Variants in SEPTIN7 observed in about 807,000 individuals in gnomAD.
SEPTIN7 encodes septin-7.
A neutral mutation model predicts 63.3 loss-of-function variants in SEPTIN7; 10 were observed. That is an observed-to-expected ratio of 0.16 (90% CI 0.10 to 0.27). The LOEUF is 0.27. Ranked by LOEUF, SEPTIN7 falls within the 10% of genes least tolerant of loss-of-function variation. The probability of loss-of-function intolerance (pLI) is 1.00; values close to 1 mark genes in which losing one functional copy is unlikely to be tolerated. For synonymous variants in SEPTIN7, 131 were observed against 165.3 expected, an observed-to-expected ratio of 0.79 and a Z score of 1.59; for missense variants, 310 against 521.0, an observed-to-expected ratio of 0.59 and a Z score of 3.94.
intron 2 of SEPTIN7, chr7:35,832,069 T>C: frequency 2.2e-6 from 1 of 448,812 alleles, no homozygotes; most frequent in East Asian, 7.0e-5. Context: ...ACTACACCAA[T>C]TTGGAAGTAG....
At chr7:35,827,692 T>C (rs2115847247) in intron 1 of SEPTIN7, among the ~76,000 whole-genome samples, 1 of 152,240 alleles carries the variant, frequency 6.6e-6, no homozygotes, top group East Asian at 1.9e-4. Context: ...GGTTTCACCA[T>C]GTTGGCCAGG....
intron 3 of SEPTIN7, among the ~76,000 whole-genome samples, chr7:35,836,359 A>C (rs1784084427): frequency 6.6e-6 from 1 of 152,224 alleles, no homozygotes; most frequent in South Asian, 2.1e-4. Flanking sequence ...AACTTGAAAT[A>C]GTTTTTAAAA....
Position 35,873,682 on chromosome 7 carries a change from A to T in SEPTIN7, c.419A>T (p.Asp140Val), listed in dbSNP as rs1368442987. 2 of 1,610,602 alleles carry T rather than the reference A, an allele frequency of 1.2e-6. No homozygotes were observed. Among genetic ancestry groups the T allele is most frequent in the Non-Finnish European group, 8.5e-7 (1 of 1,179,026 alleles). Residue 140 changes from aspartate to valine, a missense_variant, in exon 6 of 14, where the codon GAC (aspartate) becomes GTC (valine). Coordinates refer to ENST00000350320, the MANE Select transcript of SEPTIN7 (RefSeq NM_001788.6). ...GACTACATTGATAGTAAATTTGAGG[A>T]CTACCTAAATGCAGAATCACGAGTG... ...VIDYIDSKFEDYLNAESRVNR... is the reference protein window; with the variant it reads ...VIDYIDSKFEVYLNAESRVNR...
chr7:35,888,459 T>C (rs1440974173), intron 10 of SEPTIN7, among the ~76,000 whole-genome samples: 1 of 152,178 alleles, frequency 6.6e-6, no homozygotes, highest in Non-Finnish European at 1.5e-5. Flanking sequence ...AAACATTTCA[T>C]GTAAGTTTTC....
At chr7:35,844,657 T>C (rs1054395836) in intron 3 of SEPTIN7, among the ~76,000 whole-genome samples, 1 of 152,094 alleles carries the variant, frequency 6.6e-6, no homozygotes, top group African/African-American at 2.4e-5. Flanking sequence ...TAGAGTGCAA[T>C]GGCGTGATCT....
At chr7:35,815,890 T>C (rs1389845351) in intron 1 of SEPTIN7, among the ~76,000 whole-genome samples, 4 of 152,182 alleles carry the variant, frequency 2.6e-5, no homozygotes, top group African/African-American at 9.6e-5. Flanking sequence ...CACCTTTCTT[T>C]TACCCTGTTC....
intron 4 of SEPTIN7, 145 bp from the exon 5 acceptor site, chr7:35,872,521 A>G: frequency 1.6e-6 from 1 of 626,642 alleles, no homozygotes; most frequent in Non-Finnish European, 2.9e-6. Context: ...CATCAATTCT[A>G]AAGGTAATGT....
intron 6 of SEPTIN7, among the ~76,000 whole-genome samples, chr7:35,877,284 G>C (rs144262730): frequency 2.7e-4 from 41 of 152,152 alleles, no homozygotes; most frequent in African/African-American, 9.4e-4. Flanking sequence ...AGGAGAATTA[G>C]AATAGGAGGC....
chr7:35,824,376 A>T (rs1043393525), intron 1 of SEPTIN7, among the ~76,000 whole-genome samples: 2 of 152,038 alleles, frequency 1.3e-5, no homozygotes, highest in Non-Finnish European at 2.9e-5. Flanking sequence ...GGTGATTATG[A>T]TGGGATGTTG....
intron 12 of SEPTIN7, chr7:35,902,446 A>C (rs1001514340): frequency 6.6e-6 from 1 of 152,202 alleles, no homozygotes; most frequent in Non-Finnish European, 1.5e-5. Flanking sequence ...AGATATTCTA[A>C]TTCAGTACGT....
chr7:35,823,102 T>A, intron 1 of SEPTIN7, among the ~76,000 whole-genome samples: 1 of 152,318 alleles, frequency 6.6e-6, no homozygotes, highest in East Asian at 1.9e-4. Context: ...AAGTAAAATA[T>A]TAAAAAAAGA....
intron 1 of SEPTIN7, among the ~76,000 whole-genome samples, chr7:35,826,740 A>AT (rs986139658): frequency 2.0e-5 from 3 of 152,124 alleles, no homozygotes; most frequent in Admixed American, 6.6e-5. Context: ...TAAAAAGCAT[A>AT]TTTAATAGTT....
At chr7:35,835,040 T>G (rs955262225) in intron 3 of SEPTIN7, among the ~76,000 whole-genome samples, 3 of 152,208 alleles carry the variant, frequency 2.0e-5, no homozygotes, top group Non-Finnish European at 4.4e-5. Context: ...CAATGTTTAT[T>G]GAGTACTTGC....
Position 35,906,148 on chromosome 7 carries a change from C to T in SEPTIN7, c.*1855C>T, listed in dbSNP as rs1788598780. 6.6e-6 allele frequency: 1 copy of T among 152,166 alleles called. No homozygotes were observed. 9.4% of individuals were successfully genotyped at this position (152,166 alleles called of 1,614,324 possible). ...TGCAAAGGTAAAAAATGTATATAGACTGCCTGCTGAACTGGTTAAGTACTA... is the reference window on the plus strand; with the variant it reads ...TGCAAAGGTAAAAAATGTATATAGATTGCCTGCTGAACTGGTTAAGTACTA... On this transcript the variant is annotated 3_prime_UTR_variant, in exon 14 of 14. Coordinates refer to ENST00000350320, the MANE Select transcript of SEPTIN7 (RefSeq NM_001788.6).
At chr7:35,886,195 G>A (rs559119120) in intron 10 of SEPTIN7, among the ~76,000 whole-genome samples, 1 of 152,318 alleles carries the variant, frequency 6.6e-6, no homozygotes, top group Admixed American at 6.5e-5. Flanking sequence ...TGAAAACCTT[G>A]TGAAAACTAT....
rs542493825 is a variant in SEPTIN7, at chr7:35,801,083, C to A, written c.-127C>A. 92 of 653,994 alleles carry A rather than the reference C, an allele frequency of 1.4e-4. No homozygotes were observed. The South Asian group carries it at 2.2e-3, about 16-fold the overall frequency. The allele number at this position is 653,994 out of a possible 1,614,324, so 40.5% of individuals were successfully genotyped here. On this transcript the variant is annotated 5_prime_UTR_variant, in exon 1 of 14. Transcript: ENST00000350320. Reference sequence around the variant, plus strand: ...GTCGAGCGAGAGCCTGTGGAGGAGTCCGCCTGCTGTAGCGTGCGTAAGCAA... The same window carrying A: ...GTCGAGCGAGAGCCTGTGGAGGAGTACGCCTGCTGTAGCGTGCGTAAGCAA...
chr7:35,805,456 A>T (rs1389288372), intron 1 of SEPTIN7, among the ~76,000 whole-genome samples: 1 of 152,192 alleles, frequency 6.6e-6, no homozygotes, highest in Non-Finnish European at 1.5e-5. Context: ...TAAATTTTCC[A>T]TTTTTGTGCT....
intron 3 of SEPTIN7, among the ~76,000 whole-genome samples, chr7:35,850,613 C>G (rs933054960): frequency 6.6e-6 from 1 of 152,174 alleles, no homozygotes; most frequent in African/African-American, 2.4e-5. Context: ...AAATGATACT[C>G]CATCTTTCAA....
intron 3 of SEPTIN7, among the ~76,000 whole-genome samples, chr7:35,844,686 G>A (rs12701462): frequency 0.33 from 49,436 of 151,600 alleles, 8,287 homozygotes; most frequent in East Asian, 0.4. Context: ...TGCAACCTCC[G>A]TTCCCCTGGG....
Sources: gnomAD v4.1 joint callset for allele counts (sites outside exome capture counted in the v4.1 genomes callset) on GRCh38, gnomAD v4.1.1 for gene constraint, MANE v1.5 for transcripts, NCBI Gene and HGNC (gene_info 2026-07-23, HGNC 2026-07-21) for gene names.